The following MIPOL1 variants were observed in gnomAD, a reference collection of about 807,000 sequenced individuals.
MIPOL1 encodes the protein mirror-image polydactyly gene 1 protein.
In MIPOL1, 57 loss-of-function variants were observed where a neutral mutation model predicts 60.9. That is an observed-to-expected ratio of 0.94 (90% CI 0.76 to 1.17). The LOEUF (loss-of-function observed/expected upper bound fraction) is 1.17, where lower values mean the gene tolerates loss of function less well. Ranked by LOEUF, MIPOL1 falls within the 50% of genes most tolerant of loss-of-function variation. MIPOL1 has a pLI of 0.00. For synonymous variants in MIPOL1, 179 were observed against 168.8 expected (o/e 1.06, Z -0.47); for missense variants, 551 against 511.6 (o/e 1.08, Z -0.74).
rs1003052811 is a variant in MIPOL1, at chr14:37,491,667, T to A, written c.1032-8241T>A. On this transcript the variant is annotated intron_variant, in intron 11 of 12. Transcript: ENST00000684589. ...TTGTGAAATGTAGCATCCAGAAAACTTGTAATAAATATTAATAAATATATT... is the reference window on the plus strand; with the variant it reads ...TTGTGAAATGTAGCATCCAGAAAACATGTAATAAATATTAATAAATATATT... Among the ~76,000 whole-genome samples, 9 of 152,344 alleles carry A rather than the reference T, an allele frequency of 5.9e-5. 1 individual carries two copies. Among genetic ancestry groups the A allele is most frequent in the Admixed American group, 5.9e-4 (9 of 15,304 alleles).
chr14:37,393,929 T>C (rs918356204), intron 10 of MIPOL1, among the ~76,000 whole-genome samples: 4 of 150,718 alleles, frequency 2.7e-5, no homozygotes, highest in African/African-American at 4.9e-5. Context: ...CTTCCACTTA[T>C]CAGTGAGAAC....
At chr14:37,551,909 A>C (rs1197686605), downstream of MIPOL1, 2 of 144,324 alleles carry the variant, frequency 1.4e-5, no homozygotes. Flanking sequence ...AATAATAATA[A>C]TAATAATAAT....
chr14:37,388,554 C>G (rs2093142766), intron 10 of MIPOL1, among the ~76,000 whole-genome samples: 1 of 148,244 alleles, frequency 6.7e-6, no homozygotes, highest in Non-Finnish European at 1.5e-5. Context: ...TTAAGGTATA[C>G]AGTTCAATGC....
intron 11 of MIPOL1, among the ~76,000 whole-genome samples, chr14:37,448,742 A>C (rs1429063912): frequency 6.6e-6 from 1 of 152,212 alleles, no homozygotes; most frequent in Non-Finnish European, 1.5e-5. Context: ...AGTTTTAAAG[A>C]TCTTAGAGAA....
intron 10 of MIPOL1, among the ~76,000 whole-genome samples, chr14:37,372,445 G>A (rs559727934): frequency 1.3e-5 from 2 of 151,828 alleles, no homozygotes; most frequent in South Asian, 4.2e-4. Context: ...TTTAACATAG[G>A]AGGCAATTAC....
chr14:37,277,353 A>G (rs145765938), intron 6 of MIPOL1: 60 of 151,408 alleles, frequency 4.0e-4, no homozygotes, highest in African/African-American at 1.2e-3. Flanking sequence ...TTTAGTAAAT[A>G]AAAATTTTTT....
chr14:37,310,536 C>T (rs2087230915), intron 9 of MIPOL1, among the ~76,000 whole-genome samples: 1 of 152,150 alleles, frequency 6.6e-6, no homozygotes, highest in Non-Finnish European at 1.5e-5. Context: ...TATTTAAAGA[C>T]AATCTCTCTA....
At chr14:37,490,337 T>A (rs1383284687) in intron 11 of MIPOL1, among the ~76,000 whole-genome samples, 1 of 152,142 alleles carries the variant, frequency 6.6e-6, no homozygotes, top group Non-Finnish European at 1.5e-5. Flanking sequence ...GACCTCATAC[T>A]CCTGTACTGG....
chr14:37,257,868 G>C (rs1975222658), intron 3 of MIPOL1, among the ~76,000 whole-genome samples: 1 of 152,062 alleles, frequency 6.6e-6, no homozygotes, highest in Admixed American at 6.6e-5. Flanking sequence ...GTCTGCTGAC[G>C]AATACTAATA....
intron 11 of MIPOL1, among the ~76,000 whole-genome samples, chr14:37,442,089 TGTG>T (rs1266880919): frequency 9.8e-5 from 1 of 10,168 alleles, no homozygotes; most frequent in Non-Finnish European, 1.8e-4. Context: ...TCTACTTTGT[TGTG>T]TGTGTGTGTG....
At chr14:37,477,521 T>C (rs1357013153) in intron 11 of MIPOL1, among the ~76,000 whole-genome samples, 6 of 152,130 alleles carry the variant, frequency 3.9e-5, no homozygotes, top group Non-Finnish European at 8.8e-5. Context: ...GTTCATAACG[T>C]TTTTCTATTA....
chr14:37,471,412 T>G (rs2094687285), intron 11 of MIPOL1, among the ~76,000 whole-genome samples: 1 of 152,184 alleles, frequency 6.6e-6, no homozygotes, highest in African/African-American at 2.4e-5. Flanking sequence ...TGAGCCTCAG[T>G]ATATCTCCAT....
At chr14:37,203,265 A>G (rs1965593282) in intron 1 of MIPOL1, among the ~76,000 whole-genome samples, 1 of 152,122 alleles carries the variant, frequency 6.6e-6, no homozygotes, top group Non-Finnish European at 1.5e-5. Context: ...GTGGCTCACT[A>G]CCTGTTTGTT....
intron 11 of MIPOL1, among the ~76,000 whole-genome samples, chr14:37,450,490 A>G (rs2094401337): frequency 6.6e-6 from 1 of 152,090 alleles, no homozygotes; most frequent in Non-Finnish European, 1.5e-5. Context: ...CAATCTTTGT[A>G]GACGTTTTCT....
At chr14:37,416,610 G>A (rs1161874444) in intron 10 of MIPOL1, among the ~76,000 whole-genome samples, 8 of 152,124 alleles carry the variant, frequency 5.3e-5, no homozygotes, top group South Asian at 2.1e-4. Flanking sequence ...TATGTGGTCC[G>A]TTGTTGACCA....
intron 12 of MIPOL1, among the ~76,000 whole-genome samples, chr14:37,510,893 C>T (rs749618321): frequency 3.9e-5 from 6 of 152,108 alleles, no homozygotes; most frequent in Non-Finnish European, 7.4e-5. Context: ...CCTTCCCTCC[C>T]TCCCCTCACT....
intron 11 of MIPOL1, among the ~76,000 whole-genome samples, chr14:37,474,970 T>A (rs72674221): frequency 0.014 from 2,101 of 152,128 alleles, 27 homozygotes; most frequent in Admixed American, 0.026. Context: ...TTTATTTTTA[T>A]TTTTATTTTT....
chr14:37,269,780 T>C (rs1594824467), intron 5 of MIPOL1, among the ~76,000 whole-genome samples: 1 of 152,286 alleles, frequency 6.6e-6, no homozygotes, highest in East Asian at 1.9e-4. Flanking sequence ...CCAAATATTT[T>C]GCATTAAGAA....
chr14:37,321,560 T>G (rs1276735773), intron 9 of MIPOL1, among the ~76,000 whole-genome samples: 1 of 151,960 alleles, frequency 6.6e-6, no homozygotes, highest in Non-Finnish European at 1.5e-5. Flanking sequence ...CTGTAGTTGT[T>G]GAGTGTAGTA....
Sources: allele counts gnomAD v4.1 joint callset (sites outside exome capture counted in the v4.1 genomes callset), GRCh38; gene constraint gnomAD v4.1.1; transcripts MANE v1.5; gene names NCBI Gene and HGNC (gene_info 2026-07-23, HGNC 2026-07-21).